The following NEDD9 variants were observed in gnomAD, a reference collection of about 807,000 sequenced individuals.
The protein encoded by NEDD9 is enhancer of filamentation 1.
NEDD9 carries 26 observed loss-of-function variants against 76.6 expected under a neutral mutation model. That is an observed-to-expected ratio of 0.34 (90% CI 0.25 to 0.47). The LOEUF is 0.47. NEDD9 is among the 20% of genes least tolerant of loss of function. The pLI, the probability that NEDD9 is intolerant of heterozygous loss-of-function variation, is 1.00. For missense variants in NEDD9, 937 were observed against 1,058.5 expected (o/e 0.89, Z 1.59); for synonymous variants, 392 against 414.2 (o/e 0.95, Z 0.65).
At chr6:11,217,728 G>A (rs1758998091) in intron 1 of NEDD9, among the ~76,000 whole-genome samples, 2 of 152,212 alleles carry the variant, frequency 1.3e-5, no homozygotes, top group Non-Finnish European at 2.9e-5. Context: ...TTGTCTTCAG[G>A]TCTAGAATTA....
intron 3 of NEDD9, among the ~76,000 whole-genome samples, chr6:11,268,728 C>CACAA (rs548622802): frequency 0.028 from 4,034 of 145,018 alleles, 81 homozygotes; most frequent in Non-Finnish European, 0.038. Context: ...AGCTCCATCA[C>CACAA]ACACACACAC....
At chr6:11,275,013 T>C (rs898817753) in intron 3 of NEDD9, among the ~76,000 whole-genome samples, 2 of 152,164 alleles carry the variant, frequency 1.3e-5, no homozygotes, top group African/African-American at 4.8e-5. Flanking sequence ...AATGAATAAA[T>C]GTAGATGAAT....
At chr6:11,323,240 G>A (rs555464262) in intron 2 of NEDD9, among the ~76,000 whole-genome samples, 3 of 152,356 alleles carry the variant, frequency 2.0e-5, no homozygotes, top group South Asian at 2.1e-4. Flanking sequence ...TGAACACAGA[G>A]CAAGGAGACT....
intron 3 of NEDD9, among the ~76,000 whole-genome samples, chr6:11,239,890 A>G (rs1759676056): frequency 6.6e-6 from 1 of 152,000 alleles, no homozygotes; most frequent in African/African-American, 2.4e-5. Context: ...CTAAAAATAC[A>G]AAAATTAGCT....
intron 2 of NEDD9, among the ~76,000 whole-genome samples, chr6:11,210,763 G>GA: frequency 8.4e-6 from 1 of 119,556 alleles, no homozygotes; most frequent in African/African-American, 3.4e-5. Flanking sequence ...GGGAGGGATG[G>GA]GGGGAGAGAG....
chr6:11,293,386 G>A (rs1484437565), intron 3 of NEDD9, among the ~76,000 whole-genome samples: 4 of 152,094 alleles, frequency 2.6e-5, no homozygotes, highest in Admixed American at 2.6e-4. Flanking sequence ...GCCCAGGATT[G>A]GGCCAAATAT....
At chr6:11,270,361 C>A (rs905863925) in intron 3 of NEDD9, among the ~76,000 whole-genome samples, 1 of 149,720 alleles carries the variant, frequency 6.7e-6, no homozygotes, top group South Asian at 2.1e-4. Context: ...TCTCCCTCCC[C>A]TCAACCTTTT....
intron 3 of NEDD9, among the ~76,000 whole-genome samples, chr6:11,257,166 T>A (rs1760018308): frequency 6.6e-6 from 1 of 152,214 alleles, no homozygotes; most frequent in African/African-American, 2.4e-5. Context: ...GTTCCTCAAC[T>A]TTGGCATGAT....
intron 1 of NEDD9, among the ~76,000 whole-genome samples, chr6:11,335,731 G>A (rs1388601348): frequency 2.0e-5 from 3 of 152,158 alleles, no homozygotes; most frequent in Non-Finnish European, 4.4e-5. Flanking sequence ...TTTCTCATTG[G>A]CAAAAATGTG....
intron 2 of NEDD9, among the ~76,000 whole-genome samples, chr6:11,317,961 G>T (rs965830735): frequency 1.1e-4 from 17 of 152,314 alleles, no homozygotes; most frequent in African/African-American, 4.1e-4. Flanking sequence ...GGCCTGAATA[G>T]AACAAAAAGG....
chr6:11,372,042 G>T (rs373405356), intron 1 of NEDD9, among the ~76,000 whole-genome samples: 1 of 151,850 alleles, frequency 6.6e-6, no homozygotes, highest in South Asian at 2.1e-4. Flanking sequence ...TTTCGACTAC[G>T]GTCATCCTGT....
chr6:11,281,840 TG>T (rs1281727031), intron 3 of NEDD9, among the ~76,000 whole-genome samples: 1 of 152,194 alleles, frequency 6.6e-6, no homozygotes, highest in Non-Finnish European at 1.5e-5. Flanking sequence ...TGCAAACTCC[TG>T]GGTTCAAACA....
At chr6:11,363,799 TA>T (rs1379206209) in intron 1 of NEDD9, among the ~76,000 whole-genome samples, 1 of 89,644 alleles carries the variant, frequency 1.1e-5, no homozygotes, top group East Asian at 2.3e-4. Context: ...GTAGTCATTC[TA>T]AACCTGAGTA....
chr6:11,188,229 C>A lies in NEDD9; in HGVS notation c.1984G>T (p.Glu662Ter). Residue 662 changes from glutamate (E) to a stop codon, truncating the protein, a stop_gained, in exon 6 of 7, where the codon GAA becomes TAA. Transcript: ENST00000379446. LOFTEE classifies it high-confidence loss of function. ...NIMKQNKMQL[E>*]HHQLSQFQLL... The stretch of plus-strand genomic sequence containing the variant: ...CTGATTGAACTTACCTGATGATGTT[C>A]CAGCTGCATCTTGTTCTGTTTCATG... The A allele has an allele frequency of 6.2e-7, 1 of 1,614,100 alleles. No homozygotes were observed. The highest frequency in any genetic ancestry group is 8.5e-7 in the Non-Finnish European group (1 of 1,179,952).
upstream of NEDD9, among the ~76,000 whole-genome samples, chr6:11,236,266 C>T (rs146369184): frequency 4.0e-3 from 607 of 152,312 alleles, 10 homozygotes; most frequent in African/African-American, 0.013. The surrounding 1 kb of genome is among the most constrained non-coding windows in gnomAD (Gnocchi z 5.5). Flanking sequence ...GCCAGCACTC[C>T]GGTGGGCATC....
intron 3 of NEDD9, among the ~76,000 whole-genome samples, chr6:11,272,097 C>T (rs1212080458): frequency 6.6e-6 from 1 of 152,134 alleles, no homozygotes; most frequent in East Asian, 1.9e-4. Flanking sequence ...TGTGCCAACT[C>T]AGAGGACTCT....
chr6:11,190,924 G>A lies in NEDD9; in HGVS notation c.945C>T (p.Asp315=), dbSNP rs144375272. Residue 315 remains aspartate, a synonymous_variant, in exon 5 of 7, where the codon GAC becomes GAT. Transcript: ENST00000379446. This position sits in a 1 kb window ranked among gnomAD's most constrained non-coding sequence, Gnocchi z 5.8. The part of the protein sequence containing the change: ...QLGQSVGSQN[D]AYDVPRGVQF... ...GAACGCCTCGGGGGACATCATATGC[G>A]TCGTTCTGAGAGCCCACTGACTGTC... The A allele has an allele frequency of 1.2e-5, 20 of 1,614,046 alleles. No individual in the cohort carries two copies. The highest frequency in any genetic ancestry group is 1.0e-4 in the Admixed American group (6 of 60,006).
At chr6:11,323,672 G>A (rs1428562230) in intron 2 of NEDD9, among the ~76,000 whole-genome samples, 1 of 152,204 alleles carries the variant, frequency 6.6e-6, no homozygotes, top group Non-Finnish European at 1.5e-5. Flanking sequence ...GAAAAACACT[G>A]CTCTAAGCTA....
At chr6:11,232,142 G>A (rs1452299375) in intron 1 of NEDD9, among the ~76,000 whole-genome samples, 1 of 152,158 alleles carries the variant, frequency 6.6e-6, no homozygotes, top group Non-Finnish European at 1.5e-5. Context: ...CAGGGCAGTG[G>A]AAGCCAGGCC....
Sources: allele counts gnomAD v4.1 joint callset (sites outside exome capture counted in the v4.1 genomes callset), GRCh38; gene constraint gnomAD v4.1.1; non-coding constraint Gnocchi (gnomAD v3.1); transcripts MANE v1.5; gene names NCBI Gene and HGNC (gene_info 2026-07-23, HGNC 2026-07-21).